Variants in BACH2 observed in about 807,000 individuals in gnomAD.
BACH2 encodes BACH transcriptional regulator 2.
Under a neutral mutation model 61.8 loss-of-function variants are expected in BACH2, and 5 were observed. The observed-to-expected ratio is 0.08, with a 90% CI of 0.04 to 0.17. BACH2 has a LOEUF of 0.17. Among genes scored for constraint, BACH2 ranks in the 10% least tolerant of loss-of-function variants. The probability of loss-of-function intolerance (pLI) is 1.00; values close to 1 mark genes in which losing one functional copy is unlikely to be tolerated. For synonymous variants in BACH2, 446 were observed against 440.1 expected, an observed-to-expected ratio of 1.01 and a Z score of -0.17; for missense variants, 824 against 1,091.1, an observed-to-expected ratio of 0.76 and a Z score of 3.45.
At chr6:90,039,813 A>T in intron 5 of BACH2, among the ~76,000 whole-genome samples, 1 of 152,218 alleles carries the variant, frequency 6.6e-6, no homozygotes, top group South Asian at 2.1e-4. Flanking sequence ...AATTTGCATT[A>T]ATTTTTAATA....
At chr6:89,958,429 T>C (rs1019240726) in intron 6 of BACH2, among the ~76,000 whole-genome samples, 4 of 119,158 alleles carry the variant, frequency 3.4e-5, no homozygotes, top group Admixed American at 7.9e-5. Context: ...TTCTGTGCTT[T>C]AGTTTCTCTA....
At chr6:89,935,936 C>T (rs577603785) in intron 8 of BACH2, among the ~76,000 whole-genome samples, 14 of 152,314 alleles carry the variant, frequency 9.2e-5, no homozygotes, top group African/African-American at 3.1e-4. Context: ...GCAGGAATGT[C>T]GTCTCCTTAT....
At chr6:89,990,327 A>C (rs2128365209) in intron 6 of BACH2, among the ~76,000 whole-genome samples, 1 of 152,310 alleles carries the variant, frequency 6.6e-6, no homozygotes, top group Middle Eastern at 3.4e-3. Context: ...TTTGTAAGGC[A>C]AACTCCTAAT....
At chr6:89,944,145 A>G (rs1326528980) in intron 7 of BACH2, among the ~76,000 whole-genome samples, 2 of 152,218 alleles carry the variant, frequency 1.3e-5, no homozygotes, top group African/African-American at 4.8e-5. Context: ...ACGTCAATTA[A>G]TTAGTTGTGT....
At chr6:90,081,036 C>T (rs1453960513) in intron 5 of BACH2, among the ~76,000 whole-genome samples, 1 of 152,048 alleles carries the variant, frequency 6.6e-6, no homozygotes, top group Non-Finnish European at 1.5e-5. Flanking sequence ...TGTGCTGTGA[C>T]AAGGTAGGAG....
At chr6:90,265,689 G>T (rs1220729127) in intron 2 of BACH2, among the ~76,000 whole-genome samples, 1 of 152,156 alleles carries the variant, frequency 6.6e-6, no homozygotes, top group East Asian at 1.9e-4. Flanking sequence ...TAACTGCAAG[G>T]TAAGGTACCT....
intron 6 of BACH2, among the ~76,000 whole-genome samples, chr6:89,961,898 A>G (rs893378330): frequency 6.6e-6 from 1 of 152,176 alleles, no homozygotes; most frequent in African/African-American, 2.4e-5. Context: ...ATTATTTACA[A>G]TTAACATCTC....
intron 2 of BACH2, among the ~76,000 whole-genome samples, chr6:90,257,511 T>A (rs1485667558): frequency 6.6e-6 from 1 of 152,340 alleles, no homozygotes; most frequent in East Asian, 1.9e-4. Flanking sequence ...CATCTTTGTG[T>A]CTTCTTTAGA....
intron 2 of BACH2, among the ~76,000 whole-genome samples, chr6:90,267,118 C>T (rs1771361244): frequency 6.6e-6 from 1 of 151,940 alleles, no homozygotes; most frequent in Admixed American, 6.6e-5. Flanking sequence ...TCCCCCCCAC[C>T]AAAAAACCCT....
At chr6:90,284,872 C>T (rs1461379959) in intron 1 of BACH2, among the ~76,000 whole-genome samples, 1 of 152,144 alleles carries the variant, frequency 6.6e-6, no homozygotes, top group Non-Finnish European at 1.5e-5. Flanking sequence ...TTCGTATCGG[C>T]GGAAACCAAG....
chr6:90,024,437 G>C (rs1451668896), intron 5 of BACH2, among the ~76,000 whole-genome samples: 1 of 152,178 alleles, frequency 6.6e-6, no homozygotes. Flanking sequence ...AGAAATCTGA[G>C]CCCAGGCCTT....
At chr6:90,138,973 A>T (rs1784374023) in intron 4 of BACH2, among the ~76,000 whole-genome samples, 1 of 152,216 alleles carries the variant, frequency 6.6e-6, no homozygotes, top group Admixed American at 6.5e-5. Context: ...TCAGAATGGG[A>T]GCCAGGTTCA....
At position 89,929,663 on chromosome 6, in the gene BACH2, G is replaced by A. The variant is rs1304026206; in HGVS notation, c.*2745C>T. On this transcript the variant is annotated 3_prime_UTR_variant, in exon 9 of 9. Coordinates refer to ENST00000257749, the MANE Select transcript of BACH2 (RefSeq NM_021813.4). ...GGAAGGTGAGGTCTGAGTTAGGGTG[G>A]AGAGAAATAAAGAGGCCCCGCCCCT... is the stretch of plus-strand genomic sequence containing the variant. The A allele has an allele frequency of 6.6e-6, 1 of 152,320 alleles. No homozygotes were observed. Among genetic ancestry groups the A allele is most frequent in the Non-Finnish European group, 1.5e-5 (1 of 68,056 alleles). 9.4% of individuals were successfully genotyped at this position (152,320 alleles called of 1,614,324 possible). A position where few individuals can be genotyped will look rare whatever the true frequency, so the allele number is the denominator to read the frequency against.
chr6:89,985,517 C>T (rs1776193618), intron 6 of BACH2, among the ~76,000 whole-genome samples: 1 of 152,128 alleles, frequency 6.6e-6, no homozygotes, highest in Admixed American at 6.5e-5. Flanking sequence ...CCATCCGGCA[C>T]TCCTGGGTCA....
rs542529372 is a variant in BACH2 at position 90,283,501 on chromosome 6, G to A, written c.-445-11560C>T. ...CACCATTCTCCTGCCTCAGCCTCCC[G>A]AGCAGCTGGGACTACAGGTGCCTGC... On this transcript the variant is annotated intron_variant, in intron 1 of 8. Transcript: ENST00000257749. Among the ~76,000 whole-genome samples, 68 of 151,590 alleles carry A rather than the reference G, an allele frequency of 4.5e-4. No homozygotes were observed. In the East Asian group the frequency reaches 6.9e-3, roughly 15 times the overall value.
chr6:90,062,269 C>T (rs766294826), intron 5 of BACH2, among the ~76,000 whole-genome samples: 2 of 152,176 alleles, frequency 1.3e-5, no homozygotes, highest in Non-Finnish European at 2.9e-5. Flanking sequence ...TTGCCAAGTT[C>T]TCATGAGGTC....
rs146853094 is a variant in BACH2 at position 90,057,546 on chromosome 6, C to T, written c.-13+31415G>A. Among the ~76,000 whole-genome samples the T allele has an allele frequency of 1.3e-4, 20 of 152,264 alleles. No homozygotes were observed. The East Asian group carries it at 3.9e-3, about 29-fold the overall frequency. Reference sequence around the variant, plus strand: ...TCACAGCCGAATTCTACCAGAGGTACAAAGAGGAGCTGGTACCATTCCTTC... The same window carrying T: ...TCACAGCCGAATTCTACCAGAGGTATAAAGAGGAGCTGGTACCATTCCTTC... On this transcript the variant is annotated intron_variant, in intron 5 of 8. Transcript: ENST00000257749.
chr6:90,122,694 T>C (rs1389412415), intron 4 of BACH2, among the ~76,000 whole-genome samples: 1 of 152,208 alleles, frequency 6.6e-6, no homozygotes, highest in Non-Finnish European at 1.5e-5. Context: ...GCAAGAAGTG[T>C]GAATGTGTTC....
At chr6:89,938,507 A>G (rs945892048) in intron 7 of BACH2, among the ~76,000 whole-genome samples, 157 bp from the exon 8 acceptor site, 2 of 152,266 alleles carry the variant, frequency 1.3e-5, no homozygotes, top group South Asian at 4.1e-4. Flanking sequence ...TTAAAGACAG[A>G]TAAGATGTAA....
Sources: allele counts gnomAD v4.1 joint callset (sites outside exome capture counted in the v4.1 genomes callset), GRCh38; gene constraint gnomAD v4.1.1; transcripts MANE v1.5; gene names NCBI Gene and HGNC (gene_info 2026-07-23, HGNC 2026-07-21).